The following GJA9 variants were observed in gnomAD, a reference collection of about 807,000 sequenced individuals.
The protein encoded by GJA9 is gap junction protein alpha 9.
Under a neutral mutation model 0.4 loss-of-function variants are expected in GJA9, and 1 was observed. That is an observed-to-expected ratio of 2.50 (90% CI 0.89 to 11.88). The LOEUF (loss-of-function observed/expected upper bound fraction) is 11.88. GJA9 is among the 30% of genes most tolerant of loss of function. The probability of loss-of-function intolerance (pLI) is 0.12; values close to 1 mark genes in which losing one functional copy is unlikely to be tolerated. For synonymous variants in GJA9, 190 were observed against 219.1 expected (o/e 0.87, Z 1.17); for missense variants, 550 against 602.8 (o/e 0.91, Z 0.92).
chr1:38,875,931 T>C lies in GJA9; in HGVS notation c.168A>G (p.Thr56=). The change falls in exon 2 of 2, where the codon ACA becomes ACG. Residue 56 remains threonine, a synonymous_variant. Coordinates refer to ENST00000357771, the MANE Select transcript of GJA9 (RefSeq NM_030772.5). ...NDEQSGFICN[T]EQPGCRNVCY... ...ATACATTTCTGCAGCCTGGTTGTTC[T>C]GTATTGCAGATGAAGCCAGACTGCT... is the stretch of plus-strand genomic sequence containing the variant. The C allele has an allele frequency of 1.2e-6, 2 of 1,614,260 alleles. No individual in the cohort carries two copies. The highest frequency in any genetic ancestry group is 1.7e-6 in the Non-Finnish European group (2 of 1,180,048).
chr1:38,876,949 A>C (rs1642598031), intron 1 of GJA9, among the ~76,000 whole-genome samples: 1 of 151,988 alleles, frequency 6.6e-6, no homozygotes, highest in Non-Finnish European at 1.5e-5. Context: ...GCTGAGATCA[A>C]ACCCTTGACC....
chr1:38,875,760 C>G lies in GJA9; in HGVS notation c.339G>C (p.Gln113His). 3 of 1,614,244 alleles carry G rather than the reference C, an allele frequency of 1.9e-6. No individual in the cohort carries two copies. Among genetic ancestry groups the G allele is most frequent in the Non-Finnish European group, 2.5e-6 (3 of 1,180,046 alleles). ...LEEERQRMKA[Q>H]LRVELEEVEF... ...CTACCTCCTCCAGTTCTACTCTTAA[C>G]TGAGCTTTCATCCTTTGCCTCTCTT... The change falls in exon 2 of 2, where the codon CAG becomes CAC. Residue 113 changes from glutamine to histidine, a missense_variant. Coordinates refer to ENST00000357771, the MANE Select transcript of GJA9 (RefSeq NM_030772.5).
Position 38,881,579 on chromosome 1 carries a change from A to C in GJA9, c.-243T>G. On this transcript the variant is annotated 5_prime_UTR_variant, in exon 1 of 2. Coordinates refer to ENST00000357771, the MANE Select transcript of GJA9 (RefSeq NM_030772.5). The stretch of plus-strand genomic sequence containing the variant: ...GTAGTGAGTGAGTCATCCATCAACT[A>C]AAATCCATGTCCCTTTCTGCTTATC... 1.5e-6 allele frequency: 1 copy of C among 670,202 alleles called. No homozygotes were observed. Among genetic ancestry groups the C allele is most frequent in the Non-Finnish European group, 2.7e-6 (1 of 369,490 alleles). 41.5% of individuals were successfully genotyped at this position (670,202 alleles called of 1,614,324 possible). A position where few individuals can be genotyped will look rare whatever the true frequency, so the allele number is the denominator to read the frequency against.
Position 38,875,098 on chromosome 1 carries a change from G to C in GJA9, c.1001C>G (p.Ser334Cys), listed in dbSNP as rs1354984906. The C allele has an allele frequency of 1.9e-6, 3 of 1,614,020 alleles. No homozygotes were observed. The African/African-American group carries it at 4.0e-5, about 22-fold the overall frequency. The change falls in exon 2 of 2, where the codon TCC (serine) becomes TGC (cysteine). Residue 334 changes from serine to cysteine, a missense_variant. Transcript: ENST00000357771. ...ATGACTACAACTAGTACTAAGTGTG[G>C]AAATCTCATTAGAAAGTACAGTTTC... ...EQETVLSNEI[S>C]TLSTSCSHFQ...
chr1:38,877,493 T>A (rs1182752342), intron 1 of GJA9, among the ~76,000 whole-genome samples: 2 of 152,154 alleles, frequency 1.3e-5, no homozygotes, highest in African/African-American at 2.4e-5. Flanking sequence ...TCAGTGATTT[T>A]TTTTTCTTTC....
At chr1:38,878,550 A>G (rs1451222203) in intron 1 of GJA9, among the ~76,000 whole-genome samples, 1 of 150,418 alleles carries the variant, frequency 6.6e-6, no homozygotes, top group South Asian at 2.1e-4. Flanking sequence ...GGTGGCAGGC[A>G]TCTGTAACCC....
Position 38,875,544 on chromosome 1 carries a change from C to T in GJA9, c.555G>A (p.Pro185=), listed in dbSNP as rs147274413. The change falls in exon 2 of 2, where the codon CCG becomes CCA. Residue 185 remains proline, a synonymous_variant. Coordinates refer to ENST00000357771, the MANE Select transcript of GJA9 (RefSeq NM_030772.5). ...QYLLYGFHLE[P]LFKCHGHPCP... ...ACGGGTGGCCATGGCACTTAAATAG[C>T]GGCTCTAAGTGAAATCCATATAAAA... The T allele has an allele frequency of 2.5e-6, 4 of 1,614,164 alleles. No individual in the cohort carries two copies. The highest frequency in any genetic ancestry group is 2.2e-5 in the South Asian group (2 of 91,078).
rs1570894849 is a variant in GJA9, at chr1:38,874,632, A to T, written c.1467T>A (p.Asn489Lys). ...CTACGTGATTTGGAGGACAAACAGG[A>T]TTATTACAGGTTCTGACCAACCCTG... ...FEPGLVRTCN[N>K]PVCPPNHVVS... Residue 489 changes from asparagine (N) to lysine (K), a missense_variant, in exon 2 of 2, where the codon AAT becomes AAA. By Grantham distance (94) the Asn-to-Lys change is moderately conservative. Coordinates refer to ENST00000357771, the MANE Select transcript of GJA9 (RefSeq NM_030772.5). 8 of 1,614,212 alleles carry T rather than the reference A, an allele frequency of 5.0e-6. No individual in the cohort carries two copies. Among genetic ancestry groups the T allele is most frequent in the East Asian group, 4.5e-5 (2 of 44,890 alleles).
At chr1:38,880,646 G>A (rs1361002736) in intron 1 of GJA9, among the ~76,000 whole-genome samples, 4 of 151,682 alleles carry the variant, frequency 2.6e-5, no homozygotes, top group Non-Finnish European at 4.4e-5. Flanking sequence ...GCCGGGCATG[G>A]TGGCACATGC....
At chr1:38,879,942 C>T (rs901445381) in intron 1 of GJA9, among the ~76,000 whole-genome samples, 1 of 151,652 alleles carries the variant, frequency 6.6e-6, no homozygotes, top group Non-Finnish European at 1.5e-5. Context: ...TGATCTCGAT[C>T]TCCTGACCTC....
chr1:38,878,778 G>C (rs1272079764), intron 1 of GJA9, among the ~76,000 whole-genome samples: 1 of 134,108 alleles, frequency 7.5e-6, no homozygotes, highest in African/African-American at 2.8e-5. Context: ...TTGTTGCCCA[G>C]GCTGGAGTGC....
rs1482688481 is a variant in GJA9 at position 38,880,409 on chromosome 1, AAAT to A, written c.-96+1020_-96+1022del. Among the ~76,000 whole-genome samples the A allele has an allele frequency of 2.1e-4, 25 of 118,658 alleles. 1 individual carries two copies. Among genetic ancestry groups the A allele is most frequent in the African/African-American group, 2.0e-4 (6 of 29,638 alleles). The allele number at this position is 118,658 out of a possible 152,430, so 77.8% of individuals were successfully genotyped here. A position where few individuals can be genotyped will look rare whatever the true frequency, so the allele number is the denominator to read the frequency against. On this transcript the variant is annotated intron_variant, in intron 1 of 1. Coordinates refer to ENST00000357771, the MANE Select transcript of GJA9 (RefSeq NM_030772.5). Reference sequence around the variant, plus strand: ...CAGAGCAAGACTCTGTCTCAAAAAAAAATAAATAATAATAATAATAATAATAAT... The same window carrying A: ...CAGAGCAAGACTCTGTCTCAAAAAAAAAATAATAATAATAATAATAATAAT...
intron 1 of GJA9, among the ~76,000 whole-genome samples, chr1:38,879,706 T>C (rs1202191316): frequency 6.6e-6 from 1 of 152,202 alleles, no homozygotes; most frequent in African/African-American, 2.4e-5. Context: ...AGTTCCTTTC[T>C]TCAGCCTTTG....
In GJA9 at chr1:38,874,943, C is replaced by T. The variant is rs1162160853; in HGVS notation, c.1156G>A (p.Gly386Ser). 1.2e-6 allele frequency: 2 copies of T among 1,614,184 alleles called. No individual in the cohort carries two copies. Residue 386 changes from glycine to serine, a missense_variant, in exon 2 of 2, where the codon GGT becomes AGT. Gly to Ser is a moderately conservative substitution (Grantham distance 56). Coordinates refer to ENST00000357771, the MANE Select transcript of GJA9 (RefSeq NM_030772.5). The stretch of plus-strand genomic sequence containing the variant: ...GCAACACCTGGAATAGAACGGTGAC[C>T]TCTAGAGTAGTAGTTCCTTTTGCTG... ...KDSKRNYYSRGHRSIPGVAID... is the reference protein window; with the variant it reads ...KDSKRNYYSRSHRSIPGVAID...
intron 1 of GJA9, among the ~76,000 whole-genome samples, chr1:38,878,852 G>A (rs1642640301): frequency 6.7e-6 from 1 of 148,748 alleles, no homozygotes; most frequent in South Asian, 2.2e-4. Context: ...TCCTGCCCCA[G>A]GCTCCAGAGT....
At position 38,875,623 on chromosome 1, in the gene GJA9, A is replaced by G. The variant is rs748226666; in HGVS notation, c.476T>C (p.Ile159Thr). The change falls in exon 2 of 2, where the codon ATA becomes ACA. Residue 159 changes from isoleucine to threonine, a missense_variant. By Grantham distance (89) the Ile-to-Thr change is moderately conservative. Coordinates refer to ENST00000357771, the MANE Select transcript of GJA9 (RefSeq NM_030772.5). ...LRGTLLCTYV[I>T]HIFTRSVVEV... The stretch of plus-strand genomic sequence containing the variant: ...AACCACAGAGCGAGTGAAAATGTGT[A>G]TCACATAAGTGCAAAGCAAGGTTCC... 1.9e-6 allele frequency: 3 copies of G among 1,614,116 alleles called. No homozygotes were observed. Among genetic ancestry groups the G allele is most frequent in the East Asian group, 4.5e-5 (2 of 44,894 alleles).
Position 38,874,628 on chromosome 1 carries a change from C to T in GJA9, c.1471G>A (p.Val491Ile). 6.2e-7 allele frequency: 1 copy of T among 1,614,208 alleles called. No individual in the cohort carries two copies. The highest frequency in any genetic ancestry group is 8.5e-7 in the Non-Finnish European group (1 of 1,180,048). ...PGLVRTCNNP[V>I]CPPNHVVSLT... Reference sequence around the variant, plus strand: ...GACACTACGTGATTTGGAGGACAAACAGGATTATTACAGGTTCTGACCAAC... The same window carrying T: ...GACACTACGTGATTTGGAGGACAAATAGGATTATTACAGGTTCTGACCAAC... The change falls in exon 2 of 2, where the codon GTT becomes ATT. Residue 491 changes from valine (V) to isoleucine (I), a missense_variant. Physicochemically the swap from Val to Ile is conservative, Grantham distance 29. Transcript: ENST00000357771.
chr1:38,874,416 CT>C lies in GJA9; in HGVS notation c.*134del, dbSNP rs1642539096. On this transcript the variant is annotated 3_prime_UTR_variant, in exon 2 of 2. Coordinates refer to ENST00000357771, the MANE Select transcript of GJA9 (RefSeq NM_030772.5). The stretch of plus-strand genomic sequence containing the variant: ...AATCTCGAATTAGAGCTGTTTTTCT[CT>C]TGCTTAAATGAGTTTGCAGTTGTCT... 1 of 615,164 alleles carries C rather than the reference CT, an allele frequency of 1.6e-6. No individual in the cohort carries two copies. The highest frequency in any genetic ancestry group is 2.8e-6 in the Non-Finnish European group (1 of 357,794). The allele number at this position is 615,164 out of a possible 1,614,324, so 38.1% of individuals were successfully genotyped here.
At chr1:38,880,983 A>T (rs941505481) in intron 1 of GJA9, among the ~76,000 whole-genome samples, 4 of 152,222 alleles carry the variant, frequency 2.6e-5, no homozygotes, top group African/African-American at 7.2e-5. Context: ...AACATACATA[A>T]AATGGCATTT....
Sources: allele counts gnomAD v4.1 joint callset (sites outside exome capture counted in the v4.1 genomes callset), GRCh38; gene constraint gnomAD v4.1.1; transcripts MANE v1.5; gene names NCBI Gene and HGNC (gene_info 2026-07-23, HGNC 2026-07-21).